MAP4K5: variants seen among roughly 807,000 people sequenced by gnomAD.
MAP4K5 encodes mitogen-activated protein kinase kinase kinase kinase 5.
Under a neutral mutation model 135.6 loss-of-function variants are expected in MAP4K5, and 82 were observed. The observed-to-expected ratio is 0.60, with a 90% CI of 0.51 to 0.73. The LOEUF (loss-of-function observed/expected upper bound fraction) is 0.73. MAP4K5 is among the 30% of genes least tolerant of loss of function. The pLI is 0.00. For missense variants in MAP4K5, 907 were observed against 1,010.9 expected (o/e 0.90, Z 1.39); for synonymous variants, 347 against 335.0 (o/e 1.04, Z -0.39).
chr14:50,471,792 T>C (rs1053737107), intron 9 of MAP4K5: 8 of 152,202 alleles, frequency 5.3e-5, no homozygotes, highest in Non-Finnish European at 7.4e-5. Flanking sequence ...TTCAGAAACA[T>C]GAAAGAAATA....
intron 2 of MAP4K5, among the ~76,000 whole-genome samples, chr14:50,514,168 C>T (rs2037984930): frequency 6.6e-6 from 1 of 152,138 alleles, no homozygotes; most frequent in African/African-American, 2.4e-5. Context: ...GCCTCCACCT[C>T]CCAGGCTCAA....
intron 2 of MAP4K5, chr14:50,505,140 T>C (rs991555674): frequency 1.6e-5 from 4 of 244,772 alleles, no homozygotes; most frequent in Non-Finnish European, 2.3e-5. Flanking sequence ...CTCGGGTTAG[T>C]TAATATTTTT....
intron 1 of MAP4K5, among the ~76,000 whole-genome samples, chr14:50,542,846 T>G (rs750674626): frequency 6.6e-6 from 1 of 152,198 alleles, no homozygotes; most frequent in Non-Finnish European, 1.5e-5. Flanking sequence ...GGATATAACT[T>G]TGAACAATAC....
chr14:50,525,893 A>T (rs1291322332), intron 2 of MAP4K5, among the ~76,000 whole-genome samples: 1 of 152,186 alleles, frequency 6.6e-6, no homozygotes, highest in Non-Finnish European at 1.5e-5. Flanking sequence ...TTGATATGAC[A>T]CATGGAGTCC....
At position 50,521,255 on chromosome 14, in the gene MAP4K5, G is replaced by A. The variant is rs73289829; in HGVS notation, c.108+10687C>T. Among the ~76,000 whole-genome samples the A allele has an allele frequency of 5.5e-3, 836 of 152,328 alleles. 4 individuals are homozygous for A. The highest frequency in any genetic ancestry group is 0.019 in the African/African-American group (776 of 41,578). On this transcript the variant is annotated intron_variant, in intron 2 of 32. Transcript: ENST00000682126. ...GCTGAGACCTAAAGTTTTACGTATTGAAATCAGTCCATAAATCCCTCATTT... is the reference window on the plus strand; with the variant it reads ...GCTGAGACCTAAAGTTTTACGTATTAAAATCAGTCCATAAATCCCTCATTT...
intron 2 of MAP4K5, among the ~76,000 whole-genome samples, chr14:50,522,676 T>A (rs1303707909): frequency 6.6e-6 from 1 of 152,206 alleles, no homozygotes; most frequent in African/African-American, 2.4e-5. Flanking sequence ...TTCCAAGTTA[T>A]TCACTCTCTC....
intron 2 of MAP4K5, among the ~76,000 whole-genome samples, chr14:50,524,131 C>T (rs2038209774): frequency 6.6e-6 from 1 of 152,156 alleles, no homozygotes; most frequent in African/African-American, 2.4e-5. Context: ...ACTCAGCAAT[C>T]GTCTTAGACA....
intron 21 of MAP4K5, among the ~76,000 whole-genome samples, chr14:50,440,805 A>G (rs1244038837): frequency 6.6e-6 from 1 of 152,180 alleles, no homozygotes; most frequent in Admixed American, 6.6e-5. Context: ...ACGACACACT[A>G]GAAATAATGA....
chr14:50,438,001 G>C lies in MAP4K5; in HGVS notation c.1716C>G (p.Thr572=). 2 of 1,578,636 alleles carry C rather than the reference G, an allele frequency of 1.3e-6. No homozygotes were observed. Among genetic ancestry groups the C allele is most frequent in the Non-Finnish European group, 1.7e-6 (2 of 1,148,852 alleles). The stretch of plus-strand genomic sequence containing the variant: ...TAAGATTGTGAGAGTAGAGCTGAAA[G>C]GTTTTTCCTATAAAAGAAAAACATG... ...NTLMSLSEGK[T]FQLYSHNLIA... The change falls in exon 25 of 33, where the codon ACC becomes ACG. Residue 572 remains threonine, a synonymous_variant. Transcript: ENST00000682126.
chr14:50,545,054 G>A (rs1043911514), intron 1 of MAP4K5, among the ~76,000 whole-genome samples: 1 of 151,874 alleles, frequency 6.6e-6, no homozygotes, highest in African/African-American at 2.4e-5. Context: ...GTGAGCCAAG[G>A]CCATGATGTC....
Position 50,443,697 on chromosome 14 carries a change from C to T in MAP4K5, c.1479+32G>A, listed in dbSNP as rs368462580. On this transcript the variant is annotated intron_variant, in intron 20 of 32. Coordinates refer to ENST00000682126, the MANE Select transcript of MAP4K5 (RefSeq NM_006575.6). ...TTGCTGCTTCTAAAGAGAGAAAAAA[C>T]GGCAAATAGTTCACATAAAAATATT... The T allele has an allele frequency of 4.8e-5, 74 of 1,555,074 alleles. 1 individual carries two copies. The African/African-American group carries it at 7.6e-4, about 16-fold the overall frequency.
rs34304236 is a variant in MAP4K5, at chr14:50,528,557, TA to T, written c.108+3384del. On this transcript the variant is annotated intron_variant, in intron 2 of 32. Transcript: ENST00000682126. ...ACACAGGAAGACCCTGTCTTTACAT[TA>T]AAAAAAAAAAAAATTAGCCAGGCAT... 8.4e-3 allele frequency among the ~76,000 whole-genome samples: 1,201 copies of T among 142,698 alleles called. 4 individuals are homozygous for T. The highest frequency in any genetic ancestry group is 0.016 in the African/African-American group (618 of 38,996). The allele number at this position is 142,698 out of a possible 152,430, so 93.6% of individuals were successfully genotyped here.
intron 3 of MAP4K5, among the ~76,000 whole-genome samples, chr14:50,493,304 T>C (rs1034636116): frequency 6.6e-6 from 1 of 152,118 alleles, no homozygotes. Context: ...TGATCTCCAT[T>C]ACGTTGCTCA....
chr14:50,450,702 T>C (rs987171117), intron 14 of MAP4K5: 5 of 152,236 alleles, frequency 3.3e-5, no homozygotes, highest in Admixed American at 1.3e-4. Flanking sequence ...TGTGAGCTTC[T>C]GGAAATCCCA....
chr14:50,534,983 C>G (rs989281688), upstream of MAP4K5, among the ~76,000 whole-genome samples: 1 of 152,100 alleles, frequency 6.6e-6, no homozygotes, highest in African/African-American at 2.4e-5. Flanking sequence ...TGGTAACTGA[C>G]CAGAGAGTTT....
Position 50,462,741 on chromosome 14 carries a change from G to T in MAP4K5, c.860C>A (p.Ala287Glu), listed in dbSNP as rs764731469. 1 of 1,606,814 alleles carries T rather than the reference G, an allele frequency of 6.2e-7. No homozygotes were observed. ...VAQPGLSRAL[A>E]VELLDKVNNP... ...GTTCACTTTGTCTAACAGTTCAACT[G>T]CTAGGGCTCTAGAGAGACCTGGCTG... The change falls in exon 13 of 33, where the codon GCA (alanine) becomes GAA (glutamate). Residue 287 changes from alanine (A) to glutamate (E), a missense_variant. Physicochemically the swap from Ala to Glu is moderately radical, Grantham distance 107 (BLOSUM62 -1). Transcript: ENST00000682126.
chr14:50,469,675 G>A (rs1183680837), intron 9 of MAP4K5, among the ~76,000 whole-genome samples: 4 of 152,162 alleles, frequency 2.6e-5, no homozygotes, highest in Admixed American at 2.0e-4. Flanking sequence ...GGAAATGCTT[G>A]TGGATATTGA....
chr14:50,494,570 G>A (rs1025585442), intron 3 of MAP4K5, among the ~76,000 whole-genome samples: 3 of 151,874 alleles, frequency 2.0e-5, no homozygotes, highest in African/African-American at 7.3e-5. Context: ...AAATAAAAAA[G>A]AATCATTCTA....
At chr14:50,471,667 T>G (rs190132008) in intron 9 of MAP4K5, 2 of 152,208 alleles carry the variant, frequency 1.3e-5, no homozygotes, top group African/African-American at 4.8e-5. Flanking sequence ...ACGCTATGAA[T>G]GTAGGGAATA....
Sources: allele counts gnomAD v4.1 joint callset (sites outside exome capture counted in the v4.1 genomes callset), GRCh38; gene constraint gnomAD v4.1.1; transcripts MANE v1.5; gene names NCBI Gene and HGNC (gene_info 2026-07-23, HGNC 2026-07-21).